MAGI2: variants seen among roughly 807,000 people sequenced by gnomAD.
MAGI2 encodes membrane-associated guanylate kinase, WW and PDZ domain-containing protein 2.
MAGI2 carries 35 observed loss-of-function variants against 133.3 expected under a neutral mutation model. The observed-to-expected ratio is 0.26, with a 90% CI of 0.20 to 0.35. The LOEUF is 0.35. Ranked by LOEUF, MAGI2 falls within the 10% of genes least tolerant of loss-of-function variation. The pLI, the probability that MAGI2 is intolerant of heterozygous loss-of-function variation, is 1.00. For missense variants in MAGI2, 1,636 were observed against 1,863.4 expected (o/e 0.88, Z 2.25); for synonymous variants, 729 against 710.6 (o/e 1.03, Z -0.41).
intron 8 of MAGI2, among the ~76,000 whole-genome samples, chr7:78,344,864 G>C (rs916992728): frequency 6.6e-6 from 1 of 152,126 alleles, no homozygotes; most frequent in African/African-American, 2.4e-5. Flanking sequence ...TATAGTAAGT[G>C]TTTTAAAAAA....
intron 9 of MAGI2, among the ~76,000 whole-genome samples, chr7:78,260,451 C>T (rs1793408435): frequency 6.6e-6 from 1 of 152,090 alleles, no homozygotes; most frequent in South Asian, 2.1e-4. Flanking sequence ...CTCTCAATTT[C>T]TTCTTTTATA....
chr7:79,442,567 A>G (rs1848564342), intron 1 of MAGI2, among the ~76,000 whole-genome samples: 1 of 152,034 alleles, frequency 6.6e-6, no homozygotes, highest in Admixed American at 6.6e-5. Flanking sequence ...AGCAAAGCAT[A>G]GGAACTTCCA....
At chr7:79,350,743 A>C (rs1209556978) in intron 1 of MAGI2, among the ~76,000 whole-genome samples, 2 of 152,166 alleles carry the variant, frequency 1.3e-5, no homozygotes, top group Non-Finnish European at 2.9e-5. Context: ...TCTTCTTATT[A>C]AAATTTTGAA....
intron 1 of MAGI2, among the ~76,000 whole-genome samples, chr7:79,399,090 C>CTTTTTTTTTTTTTTTTTTTTTT (rs1337058211): frequency 2.0e-5 from 2 of 101,440 alleles, no homozygotes; most frequent in Admixed American, 9.8e-5. Context: ...TTTTTTTTTT[C>CTTTTTTTTTTTTTTTTTTTTTT]TTTTCTTTTT....
At chr7:78,177,043 T>C (rs1826705479) in intron 14 of MAGI2, among the ~76,000 whole-genome samples, 1 of 151,262 alleles carries the variant, frequency 6.6e-6, no homozygotes, top group Non-Finnish European at 1.5e-5. Flanking sequence ...GATCCAGACA[T>C]AATGCCAAGA....
At chr7:78,573,287 T>TATATAAATATATATATATTTATAA in intron 3 of MAGI2, among the ~76,000 whole-genome samples, 1 of 61,556 alleles carries the variant, frequency 1.6e-5, no homozygotes, top group Non-Finnish European at 2.6e-5. Context: ...TATATATTTA[T>TATATAAATATATATATATTTATAA]ATAAATATAT....
chr7:78,733,934 T>C (rs1202884666), intron 2 of MAGI2, among the ~76,000 whole-genome samples: 5 of 152,188 alleles, frequency 3.3e-5, no homozygotes, highest in Non-Finnish European at 7.4e-5. Flanking sequence ...AATTGACTGA[T>C]AAGCAACAAA....
At position 78,201,045 on chromosome 7, in the gene MAGI2, T is replaced by TA. The variant is rs976216167; in HGVS notation, c.2079+116dup. ...AAGGACACAGAGGATTTATTTTTTT[T>TA]ACATCACAGACTCCTAGAGTTGAAA... On this transcript the variant is annotated intron_variant, in intron 11 of 21. Transcript: ENST00000354212. 7.7e-6 allele frequency: 5 copies of TA among 651,702 alleles called. No individual in the cohort carries two copies. The Admixed American group carries it at 1.8e-4, about 23-fold the overall frequency. 40.4% of individuals were successfully genotyped at this position (651,702 alleles called of 1,614,324 possible). A position where few individuals can be genotyped will look rare whatever the true frequency, so the allele number is the denominator to read the frequency against.
chr7:79,119,657 G>C (rs1392915500), intron 1 of MAGI2, among the ~76,000 whole-genome samples: 2 of 152,014 alleles, frequency 1.3e-5, no homozygotes. Context: ...GAAAGAAAAG[G>C]AGGAGAAGAG....
At chr7:79,426,933 T>C (rs1847411283) in intron 1 of MAGI2, among the ~76,000 whole-genome samples, 2 of 152,164 alleles carry the variant, frequency 1.3e-5, no homozygotes, top group Non-Finnish European at 1.5e-5. Flanking sequence ...TGGATGGTTC[T>C]GCAGTTAGTT....
At chr7:78,995,006 C>T (rs950268449) in intron 2 of MAGI2, among the ~76,000 whole-genome samples, 3 of 151,830 alleles carry the variant, frequency 2.0e-5, no homozygotes, top group African/African-American at 7.3e-5. Flanking sequence ...GGTAGAAAGT[C>T]TAGTAGAGCT....
chr7:78,136,494 T>A (rs1822152360), intron 16 of MAGI2, among the ~76,000 whole-genome samples: 2 of 152,152 alleles, frequency 1.3e-5, no homozygotes, highest in African/African-American at 4.8e-5. Context: ...TCCTAGAAGG[T>A]TGACTTCAGT....
At chr7:78,181,954 T>G (rs1349932963) in intron 13 of MAGI2, among the ~76,000 whole-genome samples, 1 of 152,204 alleles carries the variant, frequency 6.6e-6, no homozygotes, top group African/African-American at 2.4e-5. Flanking sequence ...CACAACTGAT[T>G]AATTTTATGA....
At chr7:78,884,352 C>A (rs988677478) in intron 2 of MAGI2, among the ~76,000 whole-genome samples, 1 of 152,010 alleles carries the variant, frequency 6.6e-6, no homozygotes, top group Admixed American at 6.6e-5. Flanking sequence ...AGTGTGCTGG[C>A]ACATTCCTGT....
chr7:78,410,960 G>A (rs10269990), intron 6 of MAGI2, among the ~76,000 whole-genome samples: 111,687 of 151,834 alleles, frequency 0.74, 41,973 homozygotes, highest in East Asian at 0.91. Context: ...AGATGTTATC[G>A]TTGATGGTCA....
chr7:79,131,441 A>G (rs1242090808), intron 1 of MAGI2, among the ~76,000 whole-genome samples: 1 of 152,176 alleles, frequency 6.6e-6, no homozygotes, highest in Non-Finnish European at 1.5e-5. Flanking sequence ...ATAAATACTA[A>G]TATGTATCTG....
chr7:78,994,751 AC>A (rs941529868), intron 2 of MAGI2, among the ~76,000 whole-genome samples: 6 of 152,250 alleles, frequency 3.9e-5, no homozygotes, highest in African/African-American at 1.4e-4. Flanking sequence ...AATGGGAACC[AC>A]AACACATTTC....
At chr7:78,114,918 G>A (rs958209272) in intron 20 of MAGI2, among the ~76,000 whole-genome samples, 8 of 152,250 alleles carry the variant, frequency 5.3e-5, no homozygotes, top group Non-Finnish European at 7.3e-5. Context: ...TGGACACACT[G>A]TGAGAGGGGG....
At chr7:78,395,081 A>C (rs1796221900) in intron 6 of MAGI2, among the ~76,000 whole-genome samples, 1 of 152,212 alleles carries the variant, frequency 6.6e-6, no homozygotes, top group Non-Finnish European at 1.5e-5. Context: ...ATTTATTGAG[A>C]AACATTCTTG....
Sources: allele counts gnomAD v4.1 joint callset (sites outside exome capture counted in the v4.1 genomes callset), GRCh38; gene constraint gnomAD v4.1.1; transcripts MANE v1.5; gene names NCBI Gene and HGNC (gene_info 2026-07-23, HGNC 2026-07-21).